Variants in MACROD2 observed in about 807,000 individuals in gnomAD.
The protein encoded by MACROD2 is ADP-ribose glycohydrolase MACROD2.
MACROD2 carries 36 observed loss-of-function variants against 70.4 expected under a neutral mutation model. That is an observed-to-expected ratio of 0.51 (90% CI 0.39 to 0.68). The LOEUF (loss-of-function observed/expected upper bound fraction) is 0.68, where lower values mean the gene tolerates loss of function less well. Among genes scored for constraint, MACROD2 ranks in the 30% least tolerant of loss-of-function variants. The pLI, the probability that MACROD2 is intolerant of heterozygous loss-of-function variation, is 0.00. For synonymous variants in MACROD2, 172 were observed against 178.8 expected (o/e 0.96, Z 0.30); for missense variants, 496 against 538.4 (o/e 0.92, Z 0.78).
chr20:14,527,279 T>C (rs2085245076), intron 4 of MACROD2, among the ~76,000 whole-genome samples: 1 of 152,012 alleles, frequency 6.6e-6, no homozygotes, highest in African/African-American at 2.4e-5. Flanking sequence ...CAGGTTTTCG[T>C]AGGCACACGA....
chr20:16,033,952 G>A (rs577643455), intron 15 of MACROD2, among the ~76,000 whole-genome samples: 4 of 152,056 alleles, frequency 2.6e-5, no homozygotes, highest in African/African-American at 9.6e-5. Context: ...TTGGAGTTGT[G>A]GTTTGTTGAA....
chr20:14,792,206 A>G (rs2072459028), intron 5 of MACROD2, among the ~76,000 whole-genome samples: 1 of 152,146 alleles, frequency 6.6e-6, no homozygotes, highest in Non-Finnish European at 1.5e-5. Context: ...CCATTAGAAC[A>G]TTGGATTAGC....
At chr20:14,125,519 A>T (rs2054637387) in intron 3 of MACROD2, among the ~76,000 whole-genome samples, 1 of 152,208 alleles carries the variant, frequency 6.6e-6, no homozygotes, top group Admixed American at 6.5e-5. Flanking sequence ...AAGAAAAATT[A>T]GAATCACCAT....
intron 8 of MACROD2, among the ~76,000 whole-genome samples, chr20:15,658,878 C>A (rs560452723): frequency 4.6e-5 from 7 of 152,252 alleles, no homozygotes; most frequent in African/African-American, 1.7e-4. Flanking sequence ...AAAGTGCCTG[C>A]AACAATACTG....
chr20:14,034,532 G>A (rs1306859460), intron 2 of MACROD2, among the ~76,000 whole-genome samples: 1 of 152,126 alleles, frequency 6.6e-6, no homozygotes, highest in Non-Finnish European at 1.5e-5. Context: ...TAAAAATGTT[G>A]AACCAACGTT....
chr20:14,879,805 A>G (rs1010217173), intron 5 of MACROD2, among the ~76,000 whole-genome samples: 1 of 152,268 alleles, frequency 6.6e-6, no homozygotes, highest in Admixed American at 6.5e-5. Context: ...GGTTCTTTTC[A>G]TGAAAACTGA....
intron 5 of MACROD2, among the ~76,000 whole-genome samples, chr20:14,992,772 A>G (rs1200799806): frequency 6.6e-6 from 1 of 152,190 alleles, no homozygotes; most frequent in Non-Finnish European, 1.5e-5. Flanking sequence ...TGTATATCGT[A>G]TATTGTGAAG....
At chr20:15,465,287 A>G (rs1375645276) in intron 7 of MACROD2, among the ~76,000 whole-genome samples, 1 of 152,258 alleles carries the variant, frequency 6.6e-6, no homozygotes, top group African/African-American at 2.4e-5. Context: ...ATCTACCATG[A>G]TACGTCATAA....
intron 5 of MACROD2, among the ~76,000 whole-genome samples, chr20:15,157,411 G>A (rs2076316987): frequency 7.0e-6 from 1 of 142,182 alleles, no homozygotes; most frequent in African/African-American, 2.6e-5. Context: ...CATCACATCA[G>A]GGGCTGGAGC....
intron 8 of MACROD2, among the ~76,000 whole-genome samples, chr20:15,759,145 C>CAAAA (rs57212358): frequency 0.27 from 15,813 of 58,576 alleles, 2,381 homozygotes; most frequent in Non-Finnish European, 0.33. Flanking sequence ...GACTCCATCT[C>CAAAA]AAAAAAAAAA....
chr20:15,532,373 G>C (rs937463346), intron 8 of MACROD2, among the ~76,000 whole-genome samples: 1 of 151,956 alleles, frequency 6.6e-6, no homozygotes, highest in African/African-American at 2.4e-5. Flanking sequence ...TGGTCATCTA[G>C]GGTTTTGTTT....
chr20:15,047,448 T>A (rs999672064), intron 5 of MACROD2, among the ~76,000 whole-genome samples: 9 of 152,134 alleles, frequency 5.9e-5, no homozygotes, highest in African/African-American at 1.9e-4. Context: ...CTTATGGAAT[T>A]ATATAAGATA....
chr20:15,470,144 G>C (rs528995206), intron 7 of MACROD2, among the ~76,000 whole-genome samples: 1 of 152,188 alleles, frequency 6.6e-6, no homozygotes, highest in African/African-American at 2.4e-5. Flanking sequence ...CCGCCTGCCG[G>C]GTTCAAGCAA....
At chr20:15,660,475 G>A (rs756322218) in intron 8 of MACROD2, among the ~76,000 whole-genome samples, 1 of 152,010 alleles carries the variant, frequency 6.6e-6, no homozygotes, top group African/African-American at 2.4e-5. Context: ...AAAATAGAAA[G>A]CATCTTTAAA....
chr20:15,675,763 A>G (rs1433221117), intron 8 of MACROD2, among the ~76,000 whole-genome samples: 1 of 152,196 alleles, frequency 6.6e-6, no homozygotes, highest in Non-Finnish European at 1.5e-5. Context: ...AAGTACCATT[A>G]TTTTAAAATT....
At chr20:14,546,571 T>C (rs2085493475) in intron 4 of MACROD2, among the ~76,000 whole-genome samples, 1 of 152,198 alleles carries the variant, frequency 6.6e-6, no homozygotes, top group African/African-American at 2.4e-5. Context: ...TTTTCCACTT[T>C]TCTCTCAGAC....
intron 8 of MACROD2, among the ~76,000 whole-genome samples, chr20:15,633,891 T>G (rs2049327567): frequency 6.6e-6 from 1 of 152,206 alleles, no homozygotes; most frequent in Admixed American, 6.5e-5. Context: ...CAACCTCTTT[T>G]GCATCTCCGA....
intron 8 of MACROD2, among the ~76,000 whole-genome samples, chr20:15,854,953 G>A (rs766527582): frequency 1.3e-5 from 2 of 152,138 alleles, no homozygotes; most frequent in Non-Finnish European, 2.9e-5. Flanking sequence ...TGAGACTGTT[G>A]ATTTCTCTTT....
chr20:14,979,307 T>C (rs926782440), intron 5 of MACROD2, among the ~76,000 whole-genome samples: 6 of 152,030 alleles, frequency 3.9e-5, no homozygotes, highest in Non-Finnish European at 7.4e-5. Context: ...ATTTGTAAAA[T>C]TTTTATTTCT....
Sources: gnomAD v4.1 joint callset for allele counts (sites outside exome capture counted in the v4.1 genomes callset) on GRCh38, gnomAD v4.1.1 for gene constraint, MANE v1.5 for transcripts, NCBI Gene and HGNC (gene_info 2026-07-23, HGNC 2026-07-21) for gene names.